HCN1: variants seen among roughly 807,000 people sequenced by gnomAD.
HCN1 encodes the protein potassium/sodium hyperpolarization-activated cyclic nucleotide-gated channel 1.
HCN1 carries 13 observed loss-of-function variants against 78.9 expected under a neutral mutation model. The ratio of observed to expected loss-of-function variants is 0.16; its 90% CI spans 0.11 to 0.26. The LOEUF (loss-of-function observed/expected upper bound fraction) is 0.26. Among genes scored for constraint, HCN1 ranks in the 10% least tolerant of loss-of-function variants. The pLI is 1.00. For missense variants in HCN1, 810 were observed against 1,154.3 expected (o/e 0.70, Z 4.32); for synonymous variants, 552 against 455.5 (o/e 1.21, Z -2.70).
At chr5:45,340,070 C>G (rs930401382) in intron 5 of HCN1, among the ~76,000 whole-genome samples, 3 of 152,062 alleles carry the variant, frequency 2.0e-5, no homozygotes, top group Non-Finnish European at 4.4e-5. Context: ...AGGTGCCCAC[C>G]ACCACTCCCA....
chr5:45,443,513 G>T (rs1410249407), intron 3 of HCN1, among the ~76,000 whole-genome samples: 1 of 151,972 alleles, frequency 6.6e-6, no homozygotes, highest in Non-Finnish European at 1.5e-5. Context: ...ACAATTAAAA[G>T]ATTTATAGAA....
chr5:45,412,732 T>A (rs551160188), intron 3 of HCN1, among the ~76,000 whole-genome samples: 1 of 145,014 alleles, frequency 6.9e-6, no homozygotes, highest in African/African-American at 2.6e-5. Context: ...TTTGCCCCAG[T>A]AGGGTTCAGG....
chr5:45,549,378 C>T (rs996281335), intron 2 of HCN1, among the ~76,000 whole-genome samples: 2 of 151,906 alleles, frequency 1.3e-5, no homozygotes, highest in Non-Finnish European at 2.9e-5. Context: ...ACAAACCTGA[C>T]AAAAACAAGA....
chr5:45,510,307 A>AT (rs1742388365), intron 2 of HCN1, among the ~76,000 whole-genome samples: 1 of 152,142 alleles, frequency 6.6e-6, no homozygotes, highest in African/African-American at 2.4e-5. Flanking sequence ...AGTGAAGAAC[A>AT]TTTTTTTCAG....
intron 2 of HCN1, among the ~76,000 whole-genome samples, chr5:45,621,704 T>G (rs1393589096): frequency 6.6e-6 from 1 of 152,130 alleles, no homozygotes; most frequent in Non-Finnish European, 1.5e-5. Flanking sequence ...CTGGAAACAT[T>G]TTGAATACCA....
intron 3 of HCN1, among the ~76,000 whole-genome samples, chr5:45,402,421 A>C (rs573618786): frequency 6.6e-6 from 1 of 152,272 alleles, no homozygotes; most frequent in East Asian, 1.9e-4. Context: ...TAATATCTAA[A>C]GGGTAGAGGC....
chr5:45,576,917 C>T (rs1218497310), intron 2 of HCN1, among the ~76,000 whole-genome samples: 1 of 152,012 alleles, frequency 6.6e-6, no homozygotes, highest in African/African-American at 2.4e-5. Flanking sequence ...TTATTTTCCC[C>T]TTCCCCAGGA....
intron 2 of HCN1, among the ~76,000 whole-genome samples, chr5:45,494,100 C>A (rs1341671381): frequency 2.6e-5 from 4 of 152,050 alleles, no homozygotes; most frequent in South Asian, 4.2e-4. Context: ...ATTTATAGTC[C>A]TTTGGGTATA....
In HCN1 at chr5:45,353,244, A is replaced by G; in HGVS notation, c.1233T>C (p.Tyr411=). The change falls in exon 5 of 8, where the codon TAT becomes TAC. Residue 411 remains tyrosine (Y), a splice_region_variant and synonymous_variant. Transcript: ENST00000303230. The part of the protein sequence containing the change: ...DSSRRQYQEK[Y]KQVEQYMSFH... ...ATGACATGTATTGTTCCACTTGCTT[A>G]TACTGTAAGGAAGGGAAAATAAAAT... 3 of 1,596,276 alleles carry G rather than the reference A, an allele frequency of 1.9e-6. No homozygotes were observed. The highest frequency in any genetic ancestry group is 1.7e-6 in the Non-Finnish European group (2 of 1,164,744).
chr5:45,296,205 T>C (rs955592022), intron 6 of HCN1, among the ~76,000 whole-genome samples: 1 of 151,964 alleles, frequency 6.6e-6, no homozygotes, highest in Non-Finnish European at 1.5e-5. Context: ...ATTTTTCTCA[T>C]TTTTACATGG....
At chr5:45,686,125 T>A (rs191405561) in intron 1 of HCN1, among the ~76,000 whole-genome samples, 251 of 150,284 alleles carry the variant, frequency 1.7e-3, no homozygotes, top group African/African-American at 5.8e-3. Flanking sequence ...ATATATATAT[T>A]TTTTTCTATT....
At chr5:45,454,509 A>T (rs1029366986) in intron 3 of HCN1, among the ~76,000 whole-genome samples, 9 of 151,878 alleles carry the variant, frequency 5.9e-5, no homozygotes, top group Non-Finnish European at 1.0e-4. Flanking sequence ...ATAAAAAAAA[A>T]TAAAATCTTT....
At chr5:45,318,486 A>G (rs1307012052) in intron 5 of HCN1, among the ~76,000 whole-genome samples, 1 of 152,086 alleles carries the variant, frequency 6.6e-6, no homozygotes, top group Non-Finnish European at 1.5e-5. Flanking sequence ...TGGGTGCAGC[A>G]CACCAACATG....
At chr5:45,567,218 T>A (rs984315925) in intron 2 of HCN1, among the ~76,000 whole-genome samples, 6 of 152,134 alleles carry the variant, frequency 3.9e-5, no homozygotes, top group Admixed American at 3.3e-4. Context: ...TCTTTCATTT[T>A]TTTTTTTGTC....
At chr5:45,624,751 T>G (rs771662523) in intron 2 of HCN1, among the ~76,000 whole-genome samples, 7 of 151,790 alleles carry the variant, frequency 4.6e-5, no homozygotes, top group Non-Finnish European at 1.0e-4. Flanking sequence ...CATTTGGGAA[T>G]GAGAAACATC....
intron 4 of HCN1, among the ~76,000 whole-genome samples, chr5:45,383,466 C>G (rs113908701): frequency 2.6e-5 from 4 of 152,076 alleles, no homozygotes; most frequent in Admixed American, 1.3e-4. Flanking sequence ...GAGGCCGAGG[C>G]GGACGAATCA....
At chr5:45,520,292 G>A (rs574403771) in intron 2 of HCN1, among the ~76,000 whole-genome samples, 18 of 152,084 alleles carry the variant, frequency 1.2e-4, no homozygotes, top group African/African-American at 4.3e-4. Flanking sequence ...CATATTGAAA[G>A]CATTGTTCAT....
intron 5 of HCN1, among the ~76,000 whole-genome samples, chr5:45,316,211 C>T (rs1388585379): frequency 2.0e-5 from 3 of 152,108 alleles, no homozygotes; most frequent in Admixed American, 1.3e-4. Flanking sequence ...AAAGGTTATC[C>T]ACCATGATCA....
At chr5:45,504,208 G>A (rs999743586) in intron 2 of HCN1, among the ~76,000 whole-genome samples, 30 of 151,986 alleles carry the variant, frequency 2.0e-4, no homozygotes, top group Admixed American at 3.9e-4. Context: ...CCATTAACTC[G>A]TCATTTACAT....
Sources: allele counts gnomAD v4.1 joint callset (sites outside exome capture counted in the v4.1 genomes callset), GRCh38; gene constraint gnomAD v4.1.1; transcripts MANE v1.5; gene names NCBI Gene and HGNC (gene_info 2026-07-23, HGNC 2026-07-21).